MOV10: variants seen among roughly 807,000 people sequenced by gnomAD.
The protein encoded by MOV10 is Mov10 RNA helicase.
Under a neutral mutation model 108.4 loss-of-function variants are expected in MOV10, and 39 were observed. The ratio of observed to expected loss-of-function variants is 0.36; its 90% CI spans 0.28 to 0.47. MOV10 has a LOEUF of 0.47. MOV10 is among the 20% of genes least tolerant of loss of function. The pLI is 1.00. For missense variants in MOV10, 952 were observed against 1,297.6 expected, an observed-to-expected ratio of 0.73 and a Z score of 4.09; for synonymous variants, 490 against 523.1, an observed-to-expected ratio of 0.94 and a Z score of 0.86.
At chr1:112,687,216 T>G in intron 2 of MOV10, 1 of 333,734 alleles carries the variant, frequency 3.0e-6, no homozygotes. Flanking sequence ...CTATTATGCT[T>G]TTGAATGATT....
chr1:112,693,020 C>G lies in MOV10; in HGVS notation c.1140+91C>G, dbSNP rs1490117206. 7.8e-6 allele frequency: 10 copies of G among 1,290,036 alleles called. No homozygotes were observed. The Admixed American group carries it at 2.0e-4, about 26-fold the overall frequency. The allele number at this position is 1,290,036 out of a possible 1,614,324, so 79.9% of individuals were successfully genotyped here. On this transcript the variant is annotated intron_variant, in intron 7 of 20. Coordinates refer to ENST00000369645, the MANE Select transcript of MOV10 (RefSeq NM_001321324.2). Reference sequence around the variant, plus strand: ...AACTATTCCTGACAGCAGGGCAGAACAAGAGGAAAGTTGAAGTGGTTCCCA... The same window carrying G: ...AACTATTCCTGACAGCAGGGCAGAAGAAGAGGAAAGTTGAAGTGGTTCCCA...
chr1:112,687,841 G>A (rs554269630), intron 2 of MOV10, among the ~76,000 whole-genome samples: 1 of 152,212 alleles, frequency 6.6e-6, no homozygotes, highest in Non-Finnish European at 1.5e-5. Context: ...AGGAAAGCGA[G>A]GCTCTGAGAG....
chr1:112,684,236 G>T (rs1032956248), intron 2 of MOV10, among the ~76,000 whole-genome samples: 1 of 150,498 alleles, frequency 6.6e-6, no homozygotes, highest in Non-Finnish European at 1.5e-5. Context: ...GATTAGAGGC[G>T]TGAGCCACCA....
chr1:112,699,350 C>A, intron 17 of MOV10: 1 of 640,340 alleles, frequency 1.6e-6, no homozygotes, highest in Non-Finnish European at 2.1e-6. Context: ...CGGGTTAGGG[C>A]CCAGGGTTGT....
chr1:112,695,037 C>A, intron 10 of MOV10, 141 bp downstream of exon 10: 2 of 1,060,144 alleles, frequency 1.9e-6, no homozygotes, highest in Non-Finnish European at 2.7e-6. Context: ...GGGCCGGGTG[C>A]AGTGGCTCAT....
rs757365243 is a variant in MOV10 at position 112,698,471 on chromosome 1, G to A, written c.2501G>A (p.Arg834Gln). ...PRSVGVISPY[R>Q]KQVEKIRYCI... ...AGTGTGGGCGTCATCTCCCCGTACC[G>A]GAAACAGGTCAGGTCCTCAGTTACC... Residue 834 changes from arginine to glutamine, a missense_variant, in exon 16 of 21, where the codon CGG (arginine) becomes CAG (glutamine). Coordinates refer to ENST00000369645, the MANE Select transcript of MOV10 (RefSeq NM_001321324.2). The A allele has an allele frequency of 1.4e-5, 22 of 1,613,674 alleles. No homozygotes were observed. Among genetic ancestry groups the A allele is most frequent in the Non-Finnish European group, 1.7e-5 (20 of 1,179,942 alleles).
chr1:112,691,658 T>C lies in MOV10; in HGVS notation c.837-7T>C, dbSNP rs766288698. 8 of 1,612,414 alleles carry C rather than the reference T, an allele frequency of 5.0e-6. No individual in the cohort carries two copies. Among genetic ancestry groups the C allele is most frequent in the Non-Finnish European group, 6.8e-6 (8 of 1,178,770 alleles). On this transcript the variant is annotated splice_polypyrimidine_tract_variant and splice_region_variant and intron_variant, in intron 5 of 20. Transcript: ENST00000369645. ...GTTTTCTGTGTTTTCTTCCCTCGAT[T>C]CTGCAGCGCTAAGGGCTATGACCTG...
At chr1:112,680,203 G>A (rs553486169) in intron 2 of MOV10, among the ~76,000 whole-genome samples, 1 of 152,154 alleles carries the variant, frequency 6.6e-6, no homozygotes, top group Non-Finnish European at 1.5e-5. Context: ...TGTGTAGCAT[G>A]TATCATCTCA....
At position 112,677,630 on chromosome 1, in the gene MOV10, A is replaced by G. The variant is rs962560716; in HGVS notation, c.137+2581A>G. On this transcript the variant is annotated intron_variant, in intron 2 of 20. Transcript: ENST00000369645. Reference sequence around the variant, plus strand: ...GTATTATGCTAGCCACGCAAATGCTAGATCCTCTACCTTTAGTCAGGTTTA... The same window carrying G: ...GTATTATGCTAGCCACGCAAATGCTGGATCCTCTACCTTTAGTCAGGTTTA... Among the ~76,000 whole-genome samples, 73 of 152,130 alleles carry G rather than the reference A, an allele frequency of 4.8e-4. 2 individuals carry two copies. Among genetic ancestry groups the G allele is most frequent in the African/African-American group, 1.7e-3 (71 of 41,368 alleles).
chr1:112,686,034 G>T (rs1293047606), intron 2 of MOV10, among the ~76,000 whole-genome samples: 1 of 152,176 alleles, frequency 6.6e-6, no homozygotes, highest in Admixed American at 6.5e-5. Context: ...TACTGGCCCC[G>T]TTCGAAGATA....
intron 14 of MOV10, among the ~76,000 whole-genome samples, chr1:112,697,457 G>A (rs566692926): frequency 2.6e-5 from 4 of 152,078 alleles, no homozygotes; most frequent in African/African-American, 4.8e-5. Flanking sequence ...GTGACAGAGC[G>A]AGACTCCATC....
intron 2 of MOV10, 101 bp from the exon 3 acceptor site, chr1:112,688,834 G>C: frequency 6.3e-7 from 1 of 1,575,992 alleles, no homozygotes; most frequent in Non-Finnish European, 8.6e-7. Flanking sequence ...GGGCTGGTGT[G>C]TCCAGCACAG....
chr1:112,698,873 C>T (rs1674361568), intron 17 of MOV10, 84 bp downstream of exon 17: 2 of 1,165,586 alleles, frequency 1.7e-6, no homozygotes, highest in Non-Finnish European at 2.6e-6. Flanking sequence ...GCTTCCACTC[C>T]AGCCCACGTC....
chr1:112,681,401 G>A (rs1672641016), intron 2 of MOV10, among the ~76,000 whole-genome samples: 1 of 152,020 alleles, frequency 6.6e-6, no homozygotes, highest in Non-Finnish European at 1.5e-5. Flanking sequence ...GGCTGAGGCA[G>A]GAGAATCACT....
chr1:112,695,612 G>T, intron 11 of MOV10, 38 bp downstream of exon 11: 1 of 1,599,984 alleles, frequency 6.3e-7, no homozygotes, highest in Non-Finnish European at 8.5e-7. Context: ...AATGGCAAAT[G>T]CCGGGGAGGC....
chr1:112,688,899 CT>C (rs1170110377), intron 2 of MOV10, 35 bp from the exon 3 acceptor site: 1 of 1,611,018 alleles, frequency 6.2e-7, no homozygotes, highest in South Asian at 1.1e-5. Flanking sequence ...CGAGCCCTGC[CT>C]TCCCTCACTT....
At chr1:112,698,246 AG>A in intron 15 of MOV10, 40 bp from the exon 16 acceptor site, 1 of 1,603,554 alleles carries the variant, frequency 6.2e-7, no homozygotes. Flanking sequence ...GAATAGAGGG[AG>A]GGTGGTCTGG....
intron 2 of MOV10, chr1:112,688,410 T>G (rs1570775834): frequency 1.0e-6 from 1 of 996,228 alleles, no homozygotes; most frequent in East Asian, 1.1e-4. Context: ...TGACTTCGGG[T>G]GGAAACTGCT....
chr1:112,674,879 G>A lies in MOV10; in HGVS notation c.-34G>A, dbSNP rs1195494426. ...CGGCGACTTTCAGTTTCATTTCCAC[G>A]GACCCTCCTGCCTGGGCCGCAGCCG... On this transcript the variant is annotated 5_prime_UTR_variant, in exon 2 of 21. Transcript: ENST00000369645. 2 of 1,523,986 alleles carry A rather than the reference G, an allele frequency of 1.3e-6. No homozygotes were observed. The highest frequency in any genetic ancestry group is 1.8e-4 in the Middle Eastern group (1 of 5,638). The allele number at this position is 1,523,986 out of a possible 1,614,324, so 94.4% of individuals were successfully genotyped here. A position where few individuals can be genotyped will look rare whatever the true frequency, so the allele number is the denominator to read the frequency against.
Sources: gnomAD v4.1 joint callset for allele counts (sites outside exome capture counted in the v4.1 genomes callset) on GRCh38, gnomAD v4.1.1 for gene constraint, MANE v1.5 for transcripts, NCBI Gene and HGNC (gene_info 2026-07-23, HGNC 2026-07-21) for gene names.